The following PARD3 variants were observed in gnomAD, a reference collection of about 807,000 sequenced individuals.
The protein encoded by PARD3 is par-3 family cell polarity regulator.
In PARD3, 75 loss-of-function variants were observed where a neutral mutation model predicts 155.4. That is an observed-to-expected ratio of 0.48 (90% confidence interval 0.40 to 0.58). The LOEUF (loss-of-function observed/expected upper bound fraction) is 0.58, where lower values mean the gene tolerates loss of function less well. PARD3 is among the 20% of genes least tolerant of loss of function. The pLI is 0.00. For synonymous variants in PARD3, 576 were observed against 610.5 expected (o/e 0.94, Z 0.83); for missense variants, 1,642 against 1,721.7 (o/e 0.95, Z 0.82).
intron 1 of PARD3, among the ~76,000 whole-genome samples, chr10:34,752,398 G>GT (rs1218818535): frequency 2.6e-5 from 4 of 151,964 alleles, no homozygotes; most frequent in Non-Finnish European, 4.4e-5. Flanking sequence ...TCAGCATGTC[G>GT]TGCAGACATC....
chr10:34,287,347 T>C (rs1956450100), intron 20 of PARD3, among the ~76,000 whole-genome samples: 1 of 152,182 alleles, frequency 6.6e-6, no homozygotes, highest in Admixed American at 6.5e-5. Flanking sequence ...TGTTGCCATG[T>C]TGACTTACTG....
At chr10:34,132,977 C>T (rs1388841171) in intron 22 of PARD3, among the ~76,000 whole-genome samples, 1 of 152,110 alleles carries the variant, frequency 6.6e-6, no homozygotes, top group East Asian at 1.9e-4. Flanking sequence ...GACTGGGCCA[C>T]TGGATGGCCA....
At chr10:34,218,213 A>C (rs1952102317) in intron 22 of PARD3, among the ~76,000 whole-genome samples, 1 of 152,190 alleles carries the variant, frequency 6.6e-6, no homozygotes, top group African/African-American at 2.4e-5. Flanking sequence ...ATTAGACTCT[A>C]TTCTGGAAAA....
intron 7 of PARD3, among the ~76,000 whole-genome samples, chr10:34,387,970 G>A (rs541796322): frequency 3.3e-5 from 5 of 152,034 alleles, no homozygotes; most frequent in South Asian, 2.1e-4. Context: ...CACCACACAC[G>A]TATAGAAACT....
chr10:34,442,917 T>C (rs1011726893), intron 5 of PARD3, among the ~76,000 whole-genome samples: 2 of 152,104 alleles, frequency 1.3e-5, no homozygotes, highest in East Asian at 1.9e-4. Context: ...TATCATTTCA[T>C]ACTCCAGAAA....
Position 34,346,572 on chromosome 10 carries a change from T to C in PARD3, c.2218+1393A>G. Reference sequence around the variant, plus strand: ...CAACAAAAAAATAATTTAACAAAGATAAAGATTTATACCAAAGCCAAGAAA... The same window carrying C: ...CAACAAAAAAATAATTTAACAAAGACAAAGATTTATACCAAAGCCAAGAAA... On this transcript the variant is annotated intron_variant, in intron 15 of 24. Transcript: ENST00000374788. 4 of 1,160,352 alleles carry C rather than the reference T, an allele frequency of 3.4e-6. 1 individual carries two copies. The Admixed American group carries it at 1.1e-4, about 33-fold the overall frequency. The allele number at this position is 1,160,352 out of a possible 1,614,324, so 71.9% of individuals were successfully genotyped here.
chr10:34,683,727 C>CT (rs1302314443), intron 2 of PARD3, among the ~76,000 whole-genome samples: 1 of 152,034 alleles, frequency 6.6e-6, no homozygotes, highest in Non-Finnish European at 1.5e-5. Flanking sequence ...CCTGTGCAGG[C>CT]TGACCCCAAA....
intron 22 of PARD3, among the ~76,000 whole-genome samples, chr10:34,131,982 C>T (rs1947640506): frequency 6.6e-6 from 1 of 152,174 alleles, no homozygotes; most frequent in South Asian, 2.1e-4. Flanking sequence ...TGTTTCTAAG[C>T]TGAAGTTTTT....
chr10:34,227,883 T>TATATATATATATATATATATACAC (rs1491222875), intron 22 of PARD3, among the ~76,000 whole-genome samples: 1 of 130,458 alleles, frequency 7.7e-6, no homozygotes, highest in African/African-American at 2.9e-5. Context: ...TATATATATA[T>TATATATATATATATATATATACAC]ACTGGGAATA....
intron 22 of PARD3, among the ~76,000 whole-genome samples, chr10:34,181,346 G>A (rs956645815): frequency 1.2e-4 from 18 of 152,066 alleles, no homozygotes; most frequent in African/African-American, 4.3e-4. Flanking sequence ...ACAAAAGTTG[G>A]GTTTGTAAAT....
At chr10:34,346,129 G>A in intron 15 of PARD3, 4 of 1,014,734 alleles carry the variant, frequency 3.9e-6, no homozygotes, top group Non-Finnish European at 4.7e-6. Context: ...CTGCCCTGGG[G>A]AAGCATCTGG....
At chr10:34,682,437 G>A (rs1006600055) in intron 2 of PARD3, among the ~76,000 whole-genome samples, 1 of 152,046 alleles carries the variant, frequency 6.6e-6, no homozygotes, top group Admixed American at 6.6e-5. Flanking sequence ...ATCTCTGGGT[G>A]CCAAGTATAT....
chr10:34,401,398 ATAAT>A (rs1197327300), intron 6 of PARD3, among the ~76,000 whole-genome samples: 1 of 152,216 alleles, frequency 6.6e-6, no homozygotes, highest in East Asian at 1.9e-4. Context: ...ATGCACTATA[ATAAT>A]TAATGCTAAC....
At chr10:34,521,283 T>C (rs940957071) in intron 2 of PARD3, among the ~76,000 whole-genome samples, 1 of 148,452 alleles carries the variant, frequency 6.7e-6, no homozygotes, top group African/African-American at 2.5e-5. Context: ...CAGGTCCCAA[T>C]ATGAAATAAT....
chr10:34,381,791 G>C (rs1352320233), intron 9 of PARD3, among the ~76,000 whole-genome samples: 1 of 151,564 alleles, frequency 6.6e-6, no homozygotes, highest in African/African-American at 2.4e-5. Context: ...AATGAGATGG[G>C]CATGGCGGCA....
chr10:34,317,618 G>C (rs1958089462), intron 19 of PARD3, among the ~76,000 whole-genome samples: 1 of 152,122 alleles, frequency 6.6e-6, no homozygotes, highest in African/African-American at 2.4e-5. Context: ...CTAAGAATCA[G>C]ATTGTACACT....
intron 5 of PARD3, among the ~76,000 whole-genome samples, chr10:34,436,755 G>C (rs1035814795): frequency 6.6e-6 from 1 of 151,828 alleles, no homozygotes; most frequent in Non-Finnish European, 1.5e-5. Flanking sequence ...TTATCAAAGT[G>C]TTTCAAAAAT....
At chr10:34,305,148 G>A (rs576771006) in intron 20 of PARD3, among the ~76,000 whole-genome samples, 10 of 152,124 alleles carry the variant, frequency 6.6e-5, no homozygotes, top group African/African-American at 1.9e-4. Context: ...AGATAATATT[G>A]TCATTATAAA....
intron 22 of PARD3, among the ~76,000 whole-genome samples, chr10:34,192,120 C>T (rs898528899): frequency 6.6e-6 from 1 of 151,752 alleles, no homozygotes. Flanking sequence ...GGCTCTGTCA[C>T]CCTGGCTGGA....
Sources: gnomAD v4.1 joint callset for allele counts (sites outside exome capture counted in the v4.1 genomes callset) on GRCh38, gnomAD v4.1.1 for gene constraint, MANE v1.5 for transcripts, NCBI Gene and HGNC (gene_info 2026-07-23, HGNC 2026-07-21) for gene names.